PLCL1: variants seen among roughly 807,000 people sequenced by gnomAD.
PLCL1 encodes the protein phospholipase C like 1 (inactive).
A neutral mutation model predicts 84.4 loss-of-function variants in PLCL1; 41 were observed. That is an observed-to-expected ratio of 0.49 (90% CI 0.38 to 0.63). The LOEUF (loss-of-function observed/expected upper bound fraction) is 0.63. Among genes scored for constraint, PLCL1 ranks in the 30% least tolerant of loss-of-function variants. The pLI, the probability that PLCL1 is intolerant of heterozygous loss-of-function variation, is 0.00. For missense variants in PLCL1, 1,206 were observed against 1,367.8 expected, an observed-to-expected ratio of 0.88 and a Z score of 1.87; for synonymous variants, 490 against 488.3, an observed-to-expected ratio of 1.00 and a Z score of -0.05.
intron 1 of PLCL1, among the ~76,000 whole-genome samples, chr2:198,021,721 A>C (rs1389578651): frequency 1.3e-5 from 2 of 152,204 alleles, no homozygotes; most frequent in Non-Finnish European, 2.9e-5. Flanking sequence ...GAATAGACCA[A>C]TAACAAGTTC....
chr2:198,122,026 A>G (rs574459210), intron 5 of PLCL1, among the ~76,000 whole-genome samples: 1 of 152,142 alleles, frequency 6.6e-6, no homozygotes, highest in East Asian at 1.9e-4. Flanking sequence ...ATCCATATAC[A>G]TATGTACACA....
chr2:197,812,260 A>T (rs1424744903), intron 1 of PLCL1, among the ~76,000 whole-genome samples: 1 of 152,200 alleles, frequency 6.6e-6, no homozygotes, highest in Non-Finnish European at 1.5e-5. Flanking sequence ...GAGTGCTGTG[A>T]TGAACATACA....
chr2:198,055,196 C>A (rs1692032211), intron 1 of PLCL1, among the ~76,000 whole-genome samples: 2 of 151,712 alleles, frequency 1.3e-5, no homozygotes, highest in Admixed American at 1.3e-4. Flanking sequence ...ATAACGTTTC[C>A]TGTTTTGTAG....
At chr2:198,132,417 A>G (rs1331173280) in intron 5 of PLCL1, among the ~76,000 whole-genome samples, 2 of 152,072 alleles carry the variant, frequency 1.3e-5, no homozygotes, top group African/African-American at 4.8e-5. Context: ...GATTCTCTAC[A>G]TGGTGATAGT....
chr2:197,993,285 T>A (rs1424679388), intron 1 of PLCL1, among the ~76,000 whole-genome samples: 2 of 152,200 alleles, frequency 1.3e-5, no homozygotes, highest in Non-Finnish European at 1.5e-5. Context: ...TTTCATGTGC[T>A]TTTTGGCCAT....
intron 1 of PLCL1, among the ~76,000 whole-genome samples, chr2:197,971,666 T>A (rs1689868708): frequency 6.6e-6 from 1 of 152,252 alleles, no homozygotes; most frequent in African/African-American, 2.4e-5. Context: ...TGTATGTGCA[T>A]AGAAAGATAT....
At chr2:197,866,779 C>T (rs981421255) in intron 1 of PLCL1, among the ~76,000 whole-genome samples, 3 of 152,164 alleles carry the variant, frequency 2.0e-5, no homozygotes, top group Non-Finnish European at 4.4e-5. Context: ...CCTTCTTTGT[C>T]TCTCTTCCCC....
intron 1 of PLCL1, among the ~76,000 whole-genome samples, chr2:198,072,337 C>T (rs1406046161): frequency 1.3e-5 from 2 of 151,376 alleles, no homozygotes; most frequent in Non-Finnish European, 3.0e-5. Context: ...TTATATTTTG[C>T]CACTATCACT....
intron 1 of PLCL1, among the ~76,000 whole-genome samples, chr2:197,950,348 G>A (rs185964737): frequency 3.9e-5 from 6 of 152,212 alleles, no homozygotes; most frequent in African/African-American, 9.6e-5. Context: ...CTCGTACCCC[G>A]TCCAGCACCT....
intron 1 of PLCL1, among the ~76,000 whole-genome samples, chr2:197,964,853 T>A (rs1385451833): frequency 6.6e-6 from 1 of 152,210 alleles, no homozygotes; most frequent in Non-Finnish European, 1.5e-5. Context: ...CATATGTTTT[T>A]TATCTTTTAT....
chr2:197,900,573 A>T (rs553713627), intron 1 of PLCL1, among the ~76,000 whole-genome samples: 6 of 152,298 alleles, frequency 3.9e-5, no homozygotes, highest in Middle Eastern at 3.4e-3. Flanking sequence ...GGACCTCGGG[A>T]TCATTGTCTA....
intron 1 of PLCL1, among the ~76,000 whole-genome samples, chr2:197,822,279 C>T (rs1268587274): frequency 2.6e-5 from 4 of 152,118 alleles, no homozygotes; most frequent in Non-Finnish European, 5.9e-5. Flanking sequence ...CAGGGAGTTG[C>T]CTCCCTTACT....
At chr2:198,070,780 G>A (rs1692445132) in intron 1 of PLCL1, among the ~76,000 whole-genome samples, 1 of 151,802 alleles carries the variant, frequency 6.6e-6, no homozygotes, top group Admixed American at 6.6e-5. Flanking sequence ...TAAAAAAGAT[G>A]GATGTCATTA....
At chr2:197,860,968 T>G (rs1687421725) in intron 1 of PLCL1, among the ~76,000 whole-genome samples, 1 of 152,156 alleles carries the variant, frequency 6.6e-6, no homozygotes, top group Admixed American at 6.6e-5. Flanking sequence ...AATGGTATTG[T>G]CTAGATTGGG....
chr2:197,938,719 T>C (rs1449447798), intron 1 of PLCL1, among the ~76,000 whole-genome samples: 1 of 152,138 alleles, frequency 6.6e-6, no homozygotes, highest in Non-Finnish European at 1.5e-5. Context: ...GTCACACAGC[T>C]GTTTAGTGGC....
chr2:197,983,378 T>C (rs920792563), intron 1 of PLCL1, among the ~76,000 whole-genome samples: 5 of 151,838 alleles, frequency 3.3e-5, no homozygotes, highest in African/African-American at 1.2e-4. Context: ...CACAGGCGTG[T>C]ACCACCACGC....
intron 5 of PLCL1, among the ~76,000 whole-genome samples, chr2:198,138,596 GT>G (rs1282697975): frequency 5.3e-5 from 8 of 152,068 alleles, no homozygotes; most frequent in African/African-American, 1.9e-4. Flanking sequence ...TGAGTAAAAG[GT>G]AGTTATTGAG....
At chr2:197,863,627 A>T (rs894201487) in intron 1 of PLCL1, among the ~76,000 whole-genome samples, 4 of 152,216 alleles carry the variant, frequency 2.6e-5, no homozygotes, top group Admixed American at 6.5e-5. Context: ...ACAAGAAGAT[A>T]TCATAAAATT....
intron 4 of PLCL1, 25 bp downstream of exon 4, chr2:198,101,385 T>TG: frequency 7.7e-7 from 1 of 1,295,620 alleles, no homozygotes; most frequent in South Asian, 1.3e-5. Context: ...TTTTTTTTTC[T>TG]GTTTTTTTTT....
Sources: allele counts gnomAD v4.1 joint callset (sites outside exome capture counted in the v4.1 genomes callset), GRCh38; gene constraint gnomAD v4.1.1; transcripts MANE v1.5; gene names NCBI Gene and HGNC (gene_info 2026-07-23, HGNC 2026-07-21).